Variants in GPC6 observed in about 807,000 individuals in gnomAD.
The protein encoded by GPC6 is glypican 6, also known as glypican-6.
A neutral mutation model predicts 55.2 loss-of-function variants in GPC6; 14 were observed. The ratio of observed to expected loss-of-function variants is 0.25; its 90% CI spans 0.17 to 0.40. The LOEUF (loss-of-function observed/expected upper bound fraction) is 0.40, where lower values mean the gene tolerates loss of function less well. Among genes scored for constraint, GPC6 ranks in the 10% least tolerant of loss-of-function variants. The pLI, the probability that GPC6 is intolerant of heterozygous loss-of-function variation, is 1.00. For missense variants in GPC6, 641 were observed against 708.5 expected, an observed-to-expected ratio of 0.90 and a Z score of 1.08; for synonymous variants, 278 against 259.6, an observed-to-expected ratio of 1.07 and a Z score of -0.68.
intron 3 of GPC6, among the ~76,000 whole-genome samples, chr13:93,876,763 G>A (rs966700987): frequency 2.6e-5 from 4 of 151,900 alleles, no homozygotes; most frequent in African/African-American, 9.7e-5. Flanking sequence ...CTTTTTAAGA[G>A]ATTTTTAAAA....
At chr13:94,263,646 A>G (rs779244432) in intron 4 of GPC6, among the ~76,000 whole-genome samples, 203 of 152,332 alleles carry the variant, frequency 1.3e-3, no homozygotes, top group Non-Finnish European at 2.2e-3. Flanking sequence ...TCTTAGGCAC[A>G]CCTTTGGGAG....
intron 2 of GPC6, among the ~76,000 whole-genome samples, chr13:93,675,302 G>A (rs1881543871): frequency 6.6e-6 from 1 of 151,800 alleles, no homozygotes; most frequent in African/African-American, 2.4e-5. Context: ...CAATTAAAGA[G>A]GCGAATGAAG....
intron 4 of GPC6, among the ~76,000 whole-genome samples, chr13:94,207,746 G>T (rs993007011): frequency 1.3e-5 from 2 of 152,122 alleles, no homozygotes; most frequent in African/African-American, 4.8e-5. Context: ...GGAATCTGGT[G>T]GTTTGGGTTG....
chr13:93,765,272 G>GACAACTTTCCAGATAAGCTGTCTGGAAAA, intron 2 of GPC6, among the ~76,000 whole-genome samples: 1 of 151,894 alleles, frequency 6.6e-6, no homozygotes, highest in Non-Finnish European at 1.5e-5. Context: ...TGTCTGGAAA[G>GACAACTTTCCAGATAAGCTGTCTGGAAAA]ACAACTTTCC....
intron 1 of GPC6, among the ~76,000 whole-genome samples, chr13:93,273,427 G>T (rs186482400): frequency 0.014 from 2,201 of 152,290 alleles, 46 homozygotes; most frequent in African/African-American, 0.05. Context: ...GGGAGGCCGA[G>T]GTGGGCGGAT....
intron 4 of GPC6, among the ~76,000 whole-genome samples, chr13:94,163,522 C>A (rs1412437341): frequency 6.6e-6 from 1 of 152,158 alleles, no homozygotes; most frequent in Non-Finnish European, 1.5e-5. Context: ...GTCAAATCCA[C>A]AATAAGTGTT....
chr13:94,236,315 T>G (rs1890874874), intron 4 of GPC6, among the ~76,000 whole-genome samples: 1 of 151,850 alleles, frequency 6.6e-6, no homozygotes, highest in South Asian at 2.1e-4. Flanking sequence ...CAGTGGATGT[T>G]CTATAAACCT....
intron 1 of GPC6, among the ~76,000 whole-genome samples, chr13:93,399,080 ACACG>A (rs1594142476): frequency 6.8e-6 from 1 of 146,846 alleles, no homozygotes; most frequent in South Asian, 2.2e-4. Context: ...ACACACACAC[ACACG>A]TGCACACAAG....
At chr13:93,270,900 C>T (rs916000989) in intron 1 of GPC6, among the ~76,000 whole-genome samples, 1 of 152,112 alleles carries the variant, frequency 6.6e-6, no homozygotes, top group Non-Finnish European at 1.5e-5. Flanking sequence ...GAGATTAAAG[C>T]TGATTGTAGG....
At chr13:93,752,097 T>G (rs1884614159) in intron 2 of GPC6, among the ~76,000 whole-genome samples, 1 of 152,144 alleles carries the variant, frequency 6.6e-6, no homozygotes, top group African/African-American at 2.4e-5. Context: ...CTGATTGTAA[T>G]GTTGTGATTT....
chr13:94,398,428 C>A lies in GPC6; in HGVS notation c.1290-38C>A, dbSNP rs1880986859. ...GCATCTGGTTTTACAGTTTCTGTGG[C>A]ATCTCCCTGAGGTGTTCTCTCACTC... On this transcript the variant is annotated intron_variant, in intron 7 of 8. Coordinates refer to ENST00000377047, the MANE Select transcript of GPC6 (RefSeq NM_005708.5). 3.4e-6 allele frequency: 5 copies of A among 1,483,316 alleles called. No homozygotes were observed. The Admixed American group carries it at 6.7e-5, about 20-fold the overall frequency. The allele number at this position is 1,483,316 out of a possible 1,614,324, so 91.9% of individuals were successfully genotyped here.
At chr13:94,240,619 G>C (rs1037053939) in intron 4 of GPC6, among the ~76,000 whole-genome samples, 1 of 126,280 alleles carries the variant, frequency 7.9e-6, no homozygotes, top group Non-Finnish European at 1.6e-5. Context: ...TTGGGAGACA[G>C]AAAGTAAATA....
intron 1 of GPC6, among the ~76,000 whole-genome samples, chr13:93,404,472 A>C (rs1400002367): frequency 3.9e-5 from 6 of 152,148 alleles, no homozygotes; most frequent in African/African-American, 1.4e-4. Context: ...ATTCCAGTTA[A>C]TTTTGTAAAA....
chr13:94,280,722 T>C (rs1471577382), intron 4 of GPC6, among the ~76,000 whole-genome samples: 3 of 152,196 alleles, frequency 2.0e-5, no homozygotes, highest in African/African-American at 7.2e-5. Flanking sequence ...GTGGGGAAAA[T>C]ATCTTGGTTA....
chr13:93,698,291 A>G (rs1440743945), intron 2 of GPC6, among the ~76,000 whole-genome samples: 1 of 152,102 alleles, frequency 6.6e-6, no homozygotes, highest in Non-Finnish European at 1.5e-5. Context: ...CTTTTCCTCT[A>G]GACAGACTCA....
At chr13:93,871,123 A>G (rs1456433327) in intron 3 of GPC6, among the ~76,000 whole-genome samples, 2 of 151,922 alleles carry the variant, frequency 1.3e-5, no homozygotes, top group Non-Finnish European at 2.9e-5. Context: ...AACGGGAGAC[A>G]CAAAGTATAG....
At chr13:93,578,397 T>G (rs1193957584) in intron 2 of GPC6, among the ~76,000 whole-genome samples, 1 of 152,008 alleles carries the variant, frequency 6.6e-6, no homozygotes, top group Admixed American at 6.6e-5. Flanking sequence ...TTTGTTGAAA[T>G]TTTCTATTTC....
At chr13:94,031,131 C>T (rs1396345255) in intron 4 of GPC6, among the ~76,000 whole-genome samples, 2 of 148,132 alleles carry the variant, frequency 1.4e-5, no homozygotes, top group Non-Finnish European at 3.0e-5. Flanking sequence ...TGTGTGTGTT[C>T]TTCGAAAAAA....
At chr13:93,627,435 G>A (rs1397240182) in intron 2 of GPC6, among the ~76,000 whole-genome samples, 1 of 152,084 alleles carries the variant, frequency 6.6e-6, no homozygotes, top group Non-Finnish European at 1.5e-5. Flanking sequence ...TAAACCATGA[G>A]AAACTGCCCC....
Sources: allele counts gnomAD v4.1 joint callset (sites outside exome capture counted in the v4.1 genomes callset), GRCh38; gene constraint gnomAD v4.1.1; transcripts MANE v1.5; gene names NCBI Gene and HGNC (gene_info 2026-07-23, HGNC 2026-07-21).